Variants in ITPR2 observed in about 807,000 individuals in gnomAD.
ITPR2 encodes inositol 1,4,5-trisphosphate-gated calcium channel ITPR2.
In ITPR2, 207 loss-of-function variants were observed where a neutral mutation model predicts 317.1. That is an observed-to-expected ratio of 0.65 (90% CI 0.58 to 0.73). ITPR2 has a LOEUF of 0.73. ITPR2 is among the 30% of genes least tolerant of loss of function. ITPR2 has a pLI of 0.00. For missense variants in ITPR2, 2,613 were observed against 3,284.0 expected (o/e 0.80, Z 4.99); for synonymous variants, 1,156 against 1,149.1 (o/e 1.01, Z -0.12).
intron 2 of ITPR2, among the ~76,000 whole-genome samples, chr12:26,769,130 G>A (rs1212042937): frequency 2.0e-5 from 3 of 152,038 alleles, no homozygotes; most frequent in Non-Finnish European, 2.9e-5. Context: ...TCTTTGCAGG[G>A]GTTCCAGCTG....
rs115956582 is a variant in ITPR2 at position 26,643,727 on chromosome 12, C to T, written c.2740+10249G>A. ...CCCTACTGATTTATGGAAGGTAGAA[C>T]TTGCCAGAGATGAAATTGAATATTT... is the stretch of plus-strand genomic sequence containing the variant. On this transcript the variant is annotated intron_variant, in intron 21 of 56. Transcript: ENST00000381340. Among the ~76,000 whole-genome samples, 1,386 of 152,244 alleles carry T rather than the reference C, an allele frequency of 9.1e-3. 27 individuals are homozygous for T. Among genetic ancestry groups the T allele is most frequent in the African/African-American group, 0.032 (1,327 of 41,550 alleles).
intron 21 of ITPR2, among the ~76,000 whole-genome samples, chr12:26,640,379 T>TA (rs1039171643): frequency 2.6e-5 from 4 of 151,316 alleles, no homozygotes; most frequent in East Asian, 1.9e-4. Context: ...AAAATTTAAT[T>TA]AAAAAAAAAC....
At chr12:26,779,697 A>T (rs1299576728) in intron 2 of ITPR2, among the ~76,000 whole-genome samples, 1 of 152,200 alleles carries the variant, frequency 6.6e-6, no homozygotes, top group East Asian at 1.9e-4. Flanking sequence ...TTTCTAGGAC[A>T]TCCATGAAGG....
chr12:26,529,988 A>T (rs1019965910), intron 37 of ITPR2, among the ~76,000 whole-genome samples: 7 of 152,168 alleles, frequency 4.6e-5, no homozygotes, highest in Admixed American at 3.9e-4. Flanking sequence ...CATTTAATTA[A>T]ATTTTTATTT....
At chr12:26,754,793 T>C (rs938782439) in intron 2 of ITPR2, among the ~76,000 whole-genome samples, 5 of 152,234 alleles carry the variant, frequency 3.3e-5, no homozygotes, top group African/African-American at 1.2e-4. Context: ...AAAAGCACAA[T>C]AGGTTTTTCT....
intron 33 of ITPR2, 131 bp downstream of exon 33, chr12:26,579,896 T>A: frequency 1.6e-6 from 1 of 612,774 alleles, no homozygotes; most frequent in Non-Finnish European, 2.7e-6. Context: ...GAAAGAGGCA[T>A]AATAGTAAAT....
chr12:26,567,992 ATATATTATATATAT>A lies in ITPR2; in HGVS notation c.4631-6054_4631-6041del, dbSNP rs1945042528. ...TATTATATATATTATATATATATAT[ATATATTATATATAT>A]TATATATATATATATATATATATAT... On this transcript the variant is annotated intron_variant, in intron 34 of 56. Transcript: ENST00000381340. Among the ~76,000 whole-genome samples the A allele has an allele frequency of 6.0e-3, 32 of 5,372 alleles. 1 individual carries two copies. The highest frequency in any genetic ancestry group is 0.014 in the African/African-American group (31 of 2,216). 3.5% of individuals were successfully genotyped at this position (5,372 alleles called of 152,430 possible). A position where few individuals can be genotyped will look rare whatever the true frequency, so the allele number is the denominator to read the frequency against.
At chr12:26,703,341 A>T (rs12228055) in intron 9 of ITPR2, among the ~76,000 whole-genome samples, 6 of 152,196 alleles carry the variant, frequency 3.9e-5, no homozygotes, top group Non-Finnish European at 8.8e-5. Flanking sequence ...TTAGAGGACA[A>T]GGACCATGTG....
intron 55 of ITPR2, among the ~76,000 whole-genome samples, chr12:26,385,494 A>C (rs1939639480): frequency 6.6e-6 from 1 of 152,146 alleles, no homozygotes; most frequent in African/African-American, 2.4e-5. Flanking sequence ...ACCAGCCTGC[A>C]CACTGCTGCC....
intron 1 of ITPR2, among the ~76,000 whole-genome samples, chr12:26,803,418 C>A: frequency 6.6e-6 from 1 of 151,468 alleles, no homozygotes; most frequent in Non-Finnish European, 1.5e-5. Context: ...AAACAAACTG[C>A]AGAAGACAAA....
At chr12:26,438,176 T>A (rs1941404360) in intron 47 of ITPR2, among the ~76,000 whole-genome samples, 1 of 152,204 alleles carries the variant, frequency 6.6e-6, no homozygotes, top group Admixed American at 6.5e-5. Context: ...AAATTTTCAC[T>A]GAATTCCATA....
chr12:26,451,439 C>T (rs969917951), intron 45 of ITPR2, among the ~76,000 whole-genome samples: 2 of 151,072 alleles, frequency 1.3e-5, no homozygotes, highest in Non-Finnish European at 2.9e-5. Context: ...CTTCCCTCCC[C>T]AGCAGTACTG....
At chr12:26,662,167 C>T (rs1947519172) in intron 15 of ITPR2, among the ~76,000 whole-genome samples, 1 of 152,180 alleles carries the variant, frequency 6.6e-6, no homozygotes, top group Non-Finnish European at 1.5e-5. Context: ...GAAGCCAAAA[C>T]ATTTTAACAC....
intron 55 of ITPR2, among the ~76,000 whole-genome samples, chr12:26,360,465 G>A (rs150220622): frequency 5.9e-5 from 9 of 152,290 alleles, no homozygotes; most frequent in Admixed American, 3.3e-4. Context: ...CCTGAGAGCC[G>A]TTTTTGGCTT....
intron 45 of ITPR2, among the ~76,000 whole-genome samples, chr12:26,445,884 A>G (rs1215543829): frequency 3.9e-5 from 6 of 152,150 alleles, no homozygotes; most frequent in Non-Finnish European, 8.8e-5. Flanking sequence ...AAAATAGAAC[A>G]TAGTGTTTGT....
intron 32 of ITPR2, among the ~76,000 whole-genome samples, chr12:26,592,495 G>A (rs994811236): frequency 4.6e-5 from 7 of 152,114 alleles, no homozygotes; most frequent in African/African-American, 1.7e-4. Context: ...CACATTATAT[G>A]GCTGTATCAA....
intron 1 of ITPR2, among the ~76,000 whole-genome samples, chr12:26,822,660 A>G (rs538733952): frequency 3.9e-5 from 6 of 152,326 alleles, no homozygotes; most frequent in Non-Finnish European, 7.4e-5. Flanking sequence ...AGGTAAAAAT[A>G]TAATAGCCAA....
chr12:26,786,584 T>C lies in ITPR2; in HGVS notation c.163+3573A>G, dbSNP rs144497412. ...ATCGAAAAATGGCTGTCCATCAGGT[T>C]TGAAATAACCCTTTGGAAATTGTTT... On this transcript the variant is annotated intron_variant, in intron 2 of 56. Coordinates refer to ENST00000381340, the MANE Select transcript of ITPR2 (RefSeq NM_002223.4). 7.3e-3 allele frequency among the ~76,000 whole-genome samples: 1,109 copies of C among 152,332 alleles called. 15 individuals carry two copies. Among genetic ancestry groups the C allele is most frequent in the African/African-American group, 0.025 (1,055 of 41,548 alleles).
At chr12:26,741,688 C>T (rs1011770209) in intron 2 of ITPR2, among the ~76,000 whole-genome samples, 13 of 151,832 alleles carry the variant, frequency 8.6e-5, no homozygotes, top group East Asian at 1.9e-4. Context: ...TCTGTGTGTG[C>T]GTGTGTGTGT....
Sources: gnomAD v4.1 joint callset for allele counts (sites outside exome capture counted in the v4.1 genomes callset) on GRCh38, gnomAD v4.1.1 for gene constraint, MANE v1.5 for transcripts, NCBI Gene and HGNC (gene_info 2026-07-23, HGNC 2026-07-21) for gene names.